Variants in PHF19 observed in about 807,000 individuals in gnomAD.
PHF19 encodes polycomb like 3.
In PHF19, 21 loss-of-function variants were observed where a neutral mutation model predicts 79.8. The observed-to-expected ratio is 0.26, with a 90% CI of 0.19 to 0.38. PHF19 has a LOEUF of 0.38. Among genes scored for constraint, PHF19 ranks in the 10% least tolerant of loss-of-function variants. The pLI, the probability that PHF19 is intolerant of heterozygous loss-of-function variation, is 1.00. For missense variants in PHF19, 445 were observed against 744.2 expected, an observed-to-expected ratio of 0.60 and a Z score of 4.68; for synonymous variants, 273 against 296.3, an observed-to-expected ratio of 0.92 and a Z score of 0.81.
intron 12 of PHF19, among the ~76,000 whole-genome samples, chr9:120,861,388 CTG>C (rs2045520473): frequency 1.3e-5 from 2 of 152,242 alleles, no homozygotes; most frequent in South Asian, 2.1e-4. Flanking sequence ...CTTCACGTCT[CTG>C]GACCTCAGTT....
chr9:120,867,667 G>A lies in PHF19; in HGVS notation c.615-702C>T, dbSNP rs964690252. 2.0e-5 allele frequency among the ~76,000 whole-genome samples: 3 copies of A among 152,206 alleles called. No individual in the cohort carries two copies. In the South Asian group the frequency reaches 6.2e-4, roughly 31 times the overall value. The stretch of plus-strand genomic sequence containing the variant: ...GAAACACTGCATTAATGCAGGAAAG[G>A]TTTCCATAAGCATTTCTCCATCTGA... On this transcript the variant is annotated intron_variant, in intron 6 of 14. Coordinates refer to ENST00000373896, the MANE Select transcript of PHF19 (RefSeq NM_015651.3).
Position 120,869,112 on chromosome 9 carries a change from T to A in PHF19, c.614+70A>T, listed in dbSNP as rs1462976177. ...GCTGACACGCCAGGCTCGCTCCCTATGGGCGGTCCCTGCTGGCGATTCTTG... is the reference window on the plus strand; with the variant it reads ...GCTGACACGCCAGGCTCGCTCCCTAAGGGCGGTCCCTGCTGGCGATTCTTG... On this transcript the variant is annotated intron_variant, in intron 6 of 14. Transcript: ENST00000373896. This position sits in a 1 kb window ranked among gnomAD's most constrained non-coding sequence, Gnocchi z 5.8. 1 of 1,486,244 alleles carries A rather than the reference T, an allele frequency of 6.7e-7. No individual in the cohort carries two copies. Among genetic ancestry groups the A allele is most frequent in the Non-Finnish European group, 9.0e-7 (1 of 1,105,520 alleles). The allele number at this position is 1,486,244 out of a possible 1,614,324, so 92.1% of individuals were successfully genotyped here.
rs2045696250 is a variant in PHF19 at position 120,866,231 on chromosome 9, G to T, written c.711-135C>A. On this transcript the variant is annotated intron_variant, in intron 7 of 14. Coordinates refer to ENST00000373896, the MANE Select transcript of PHF19 (RefSeq NM_015651.3). The surrounding 1 kb of genome is among the most constrained non-coding windows in gnomAD (Gnocchi z 5.2). Reference sequence around the variant, plus strand: ...ACTCCTAGGACTGCTGGCCACTGGGGGTCAAGGACAGGGCAGGACAGGGAC... The same window carrying T: ...ACTCCTAGGACTGCTGGCCACTGGGTGTCAAGGACAGGGCAGGACAGGGAC... 1 of 716,810 alleles carries T rather than the reference G, an allele frequency of 1.4e-6. No individual in the cohort carries two copies. The highest frequency in any genetic ancestry group is 2.6e-6 in the Non-Finnish European group (1 of 391,186). 44.4% of individuals were successfully genotyped at this position (716,810 alleles called of 1,614,324 possible).
upstream of PHF19, among the ~76,000 whole-genome samples, chr9:120,896,437 CTTTTTT>C: frequency 8.1e-6 from 1 of 124,040 alleles, no homozygotes; most frequent in Non-Finnish European, 1.6e-5. Flanking sequence ...TTGTATGGTT[CTTTTTT>C]TTTTTTTCTT....
At chr9:120,898,565 G>T (rs1385803859), upstream of PHF19, among the ~76,000 whole-genome samples, 3 of 152,232 alleles carry the variant, frequency 2.0e-5, no homozygotes, top group African/African-American at 7.2e-5. Flanking sequence ...AAATTAATGT[G>T]CAGTCTGTTC....
Position 120,869,776 on chromosome 9 carries a change from T to C in PHF19, c.465+69A>G. On this transcript the variant is annotated intron_variant, in intron 5 of 14. Transcript: ENST00000373896. This position sits in a 1 kb window ranked among gnomAD's most constrained non-coding sequence, Gnocchi z 5.8. ...TCTGCTTGGAGCTCAGACTCTGTGATGGGAGTCTCTGGTCTGCCCCACTGG... is the reference window on the plus strand; with the variant it reads ...TCTGCTTGGAGCTCAGACTCTGTGACGGGAGTCTCTGGTCTGCCCCACTGG... 1 of 1,606,798 alleles carries C rather than the reference T, an allele frequency of 6.2e-7. No homozygotes were observed. Among genetic ancestry groups the C allele is most frequent in the South Asian group, 1.1e-5 (1 of 89,212 alleles).
chr9:120,873,357 C>T (rs2045958896), intron 3 of PHF19, among the ~76,000 whole-genome samples: 1 of 152,214 alleles, frequency 6.6e-6, no homozygotes, highest in East Asian at 1.9e-4. Context: ...CTTGCCATCT[C>T]TGCAAGGGAG....
chr9:120,879,872 A>C (rs1400396152), upstream of PHF19, among the ~76,000 whole-genome samples: 1 of 152,218 alleles, frequency 6.6e-6, no homozygotes, highest in Non-Finnish European at 1.5e-5. Context: ...AGGAAACCTA[A>C]ATGGCTAAAA....
At position 120,857,522 on chromosome 9, in the gene PHF19, T is replaced by TCA. The variant is rs1177549248; in HGVS notation, c.*420_*421dup. 6.1e-6 allele frequency: 1 copy of TCA among 164,278 alleles called. No homozygotes were observed. Among genetic ancestry groups the TCA allele is most frequent in the African/African-American group, 2.4e-5 (1 of 41,882 alleles). 10.2% of individuals were successfully genotyped at this position (164,278 alleles called of 1,614,324 possible). A position where few individuals can be genotyped will look rare whatever the true frequency, so the allele number is the denominator to read the frequency against. Reference sequence around the variant, plus strand: ...CTGGGAGGACTGGCTGCCCCACGGGTCACGTGTGAAGGGGATCCAGTGGAG... The same window carrying TCA: ...CTGGGAGGACTGGCTGCCCCACGGGTCACACGTGTGAAGGGGATCCAGTGGAG... On this transcript the variant is annotated 3_prime_UTR_variant, in exon 15 of 15. Transcript: ENST00000373896.
rs1446061299 is a variant in PHF19 at position 120,857,869 on chromosome 9, G to A, written c.*75C>T. ...TGCTTCCTTCTCCCACCCCAGCCTG[G>A]AGAAAGCTGGGGAGCCTATGGCTTC... is the stretch of plus-strand genomic sequence containing the variant. On this transcript the variant is annotated 3_prime_UTR_variant, in exon 15 of 15. Transcript: ENST00000373896. 2.3e-6 allele frequency: 2 copies of A among 862,086 alleles called. No individual in the cohort carries two copies. The highest frequency in any genetic ancestry group is 2.7e-5 in the East Asian group (1 of 36,754). The allele number at this position is 862,086 out of a possible 1,614,324, so 53.4% of individuals were successfully genotyped here. A position where few individuals can be genotyped will look rare whatever the true frequency, so the allele number is the denominator to read the frequency against.
intron 1 of PHF19, among the ~76,000 whole-genome samples, chr9:120,875,120 C>T (rs1477915756): frequency 6.6e-6 from 1 of 152,166 alleles, no homozygotes; most frequent in East Asian, 1.9e-4. Flanking sequence ...CAAACACAGT[C>T]CATGTGCTCT....
intron 1 of PHF19, among the ~76,000 whole-genome samples, chr9:120,885,958 C>G (rs1216228332): frequency 6.6e-6 from 1 of 152,206 alleles, no homozygotes; most frequent in South Asian, 2.1e-4. Flanking sequence ...CACTCTTTTA[C>G]AGCTCTCAGA....
chr9:120,867,632 T>C (rs911853226), intron 6 of PHF19, among the ~76,000 whole-genome samples: 4 of 152,228 alleles, frequency 2.6e-5, no homozygotes, highest in Admixed American at 1.3e-4. Flanking sequence ...ACTCTGCCCA[T>C]AGGCGTTGAG....
At chr9:120,900,060 C>T in the PHF19 span, among the ~76,000 whole-genome samples, 1 of 152,220 alleles carries the variant, frequency 6.6e-6, no homozygotes, top group Non-Finnish European at 1.5e-5. Flanking sequence ...AAGCTCGGCT[C>T]TCTGCAACCT....
chr9:120,892,956 T>G (rs2046361423), intron 1 of PHF19, among the ~76,000 whole-genome samples: 1 of 152,110 alleles, frequency 6.6e-6, no homozygotes, highest in African/African-American at 2.4e-5. Context: ...GGAAAGACAA[T>G]AGCCCTGCCA....
In PHF19 at chr9:120,858,188, G is replaced by A. The variant is rs770610254; in HGVS notation, c.1499C>T (p.Ser500Leu). 1.6e-5 allele frequency: 26 copies of A among 1,600,426 alleles called. No homozygotes were observed. The South Asian group carries it at 1.8e-4, about 11-fold the overall frequency. ...WAAELDGRCP[S>L]DSSAEGASVP... ...TGAAGCCCCCTCTGCACTGCTGTCCGAGGGGCAGCGTCCATCCAGCTCAGC... is the reference window on the plus strand; with the variant it reads ...TGAAGCCCCCTCTGCACTGCTGTCCAAGGGGCAGCGTCCATCCAGCTCAGC... The change falls in exon 15 of 15, where the codon TCG becomes TTG. Residue 500 changes from serine to leucine, a missense_variant. Ser to Leu is a moderately radical substitution (Grantham distance 145, BLOSUM62 -2). This residue lies in a region of PHF19 where 125 missense variants were observed against 180.5 expected (regional missense o/e 0.69). Coordinates refer to ENST00000373896, the MANE Select transcript of PHF19 (RefSeq NM_015651.3).
chr9:120,858,307 G>A, intron 14 of PHF19, 21 bp from the exon 15 acceptor site: 1 of 1,497,052 alleles, frequency 6.7e-7, no homozygotes, highest in Non-Finnish European at 8.9e-7. Flanking sequence ...AGTGGGAGAG[G>A]AAGATGATGA....
intron 1 of PHF19, among the ~76,000 whole-genome samples, chr9:120,892,288 T>C (rs1025368124): frequency 1.3e-5 from 2 of 152,074 alleles, no homozygotes; most frequent in African/African-American, 2.4e-5. Flanking sequence ...GTCTCGGCTC[T>C]CTCTTTTTTG....
At chr9:120,886,321 C>T (rs549056983) in intron 1 of PHF19, among the ~76,000 whole-genome samples, 2 of 152,340 alleles carry the variant, frequency 1.3e-5, no homozygotes, top group East Asian at 1.9e-4. Flanking sequence ...TCTGAACAGT[C>T]AGCCTGCAGG....
Sources: allele counts gnomAD v4.1 joint callset (sites outside exome capture counted in the v4.1 genomes callset), GRCh38; gene constraint gnomAD v4.1.1; regional missense constraint gnomAD v4.1.1; non-coding constraint Gnocchi (gnomAD v3.1); transcripts MANE v1.5; gene names NCBI Gene and HGNC (gene_info 2026-07-23, HGNC 2026-07-21).